Variants in NKAIN2 observed in about 807,000 individuals in gnomAD.
NKAIN2 encodes sodium/potassium transporting ATPase interacting 2.
NKAIN2 carries 14 observed loss-of-function variants against 32.6 expected under a neutral mutation model. The ratio of observed to expected loss-of-function variants is 0.43; its 90% CI spans 0.28 to 0.67. The LOEUF (loss-of-function observed/expected upper bound fraction) is 0.67, where lower values mean the gene tolerates loss of function less well. NKAIN2 is among the 30% of genes least tolerant of loss of function. The pLI is 0.17. For synonymous variants in NKAIN2, 80 were observed against 87.2 expected (o/e 0.92, Z 0.46); for missense variants, 198 against 258.3 (o/e 0.77, Z 1.60).
At position 124,664,206 on chromosome 6, in the gene NKAIN2, C is replaced by T. The variant is rs745897312; in HGVS notation, c.474+5820C>T. Among the ~76,000 whole-genome samples the T allele has an allele frequency of 1.9e-4, 29 of 151,098 alleles. No homozygotes were observed. The East Asian group carries it at 2.0e-3, about 10-fold the overall frequency. ...AGGAGAATTGCCTGGACCCGGGAGG[C>T]GGAGGTTGCAGTGATCTGAGATCAT... On this transcript the variant is annotated intron_variant, in intron 4 of 6. Transcript: ENST00000368417.
At chr6:124,766,638 A>T (rs1368692084) in intron 4 of NKAIN2, among the ~76,000 whole-genome samples, 1 of 152,202 alleles carries the variant, frequency 6.6e-6, no homozygotes, top group Admixed American at 6.5e-5. Flanking sequence ...AAAAGCACAG[A>T]TAGTCACTGT....
At chr6:124,242,478 C>T (rs768686489) in intron 1 of NKAIN2, among the ~76,000 whole-genome samples, 14 of 152,128 alleles carry the variant, frequency 9.2e-5, no homozygotes, top group African/African-American at 2.7e-4. Flanking sequence ...TTGTGAAAGA[C>T]AGTATGGTGA....
intron 3 of NKAIN2, among the ~76,000 whole-genome samples, chr6:124,528,714 A>G (rs932979171): frequency 6.8e-4 from 103 of 152,356 alleles, no homozygotes; most frequent in African/African-American, 2.4e-3. Context: ...CCTTAAAGTG[A>G]AACAATATAT....
rs575842250 is a variant in NKAIN2 at position 124,722,600 on chromosome 6, C to T, written c.474+64214C>T. Among the ~76,000 whole-genome samples, 7 of 152,236 alleles carry T rather than the reference C, an allele frequency of 4.6e-5. No individual in the cohort carries two copies. In the South Asian group the frequency reaches 1.5e-3, roughly 32 times the overall value. Reference sequence around the variant, plus strand: ...ATAGGGTCTGTGCTCCTATGAGAACCTAATCCTGCCACTGATCCAACAGGA... The same window carrying T: ...ATAGGGTCTGTGCTCCTATGAGAACTTAATCCTGCCACTGATCCAACAGGA... On this transcript the variant is annotated intron_variant, in intron 4 of 6. Transcript: ENST00000368417.
At chr6:124,568,853 G>A (rs987235525) in intron 3 of NKAIN2, among the ~76,000 whole-genome samples, 1 of 137,052 alleles carries the variant, frequency 7.3e-6, no homozygotes, top group Non-Finnish European at 1.5e-5. Flanking sequence ...AAAAGGAACT[G>A]CCTGGAAAAT....
chr6:124,412,173 C>T (rs1163513257), intron 3 of NKAIN2, among the ~76,000 whole-genome samples: 2 of 152,100 alleles, frequency 1.3e-5, no homozygotes, highest in Admixed American at 6.5e-5. Context: ...AGCCTTCTCT[C>T]AACTCCTCAA....
chr6:124,753,810 G>A (rs1777837789), intron 4 of NKAIN2, among the ~76,000 whole-genome samples: 1 of 151,954 alleles, frequency 6.6e-6, no homozygotes, highest in Admixed American at 6.6e-5. Context: ...ATAAAATTAA[G>A]CACAGAAAAA....
chr6:124,409,719 G>T (rs956632615), intron 3 of NKAIN2, among the ~76,000 whole-genome samples: 2 of 152,194 alleles, frequency 1.3e-5, no homozygotes, highest in Non-Finnish European at 2.9e-5. Flanking sequence ...AAATGAGTTA[G>T]GGAGGATTCC....
At chr6:124,185,217 A>C (rs1039015463) in intron 1 of NKAIN2, among the ~76,000 whole-genome samples, 2 of 152,088 alleles carry the variant, frequency 1.3e-5, no homozygotes, top group African/African-American at 4.8e-5. Context: ...CAGATATATT[A>C]TTATCGTACA....
rs1799172766 is a variant in NKAIN2, at chr6:124,359,643, A to G, written c.273+4296A>G. Among the ~76,000 whole-genome samples the G allele has an allele frequency of 2.0e-5, 3 of 152,264 alleles. No homozygotes were observed. In the South Asian group the frequency reaches 6.2e-4, roughly 32 times the overall value. ...ATTTTGTATCCTGAGACTTTGCTGA[A>G]GTTGCCTATCAGCTTAAGGAGATTT... On this transcript the variant is annotated intron_variant, in intron 3 of 6. Transcript: ENST00000368417.
At chr6:124,664,131 T>G (rs1043805667) in intron 4 of NKAIN2, among the ~76,000 whole-genome samples, 3 of 151,698 alleles carry the variant, frequency 2.0e-5, no homozygotes, top group African/African-American at 7.3e-5. Context: ...AAAAATTTGC[T>G]GGACATGGTG....
At chr6:124,794,608 C>A (rs927088898) in intron 5 of NKAIN2, among the ~76,000 whole-genome samples, 2 of 152,114 alleles carry the variant, frequency 1.3e-5, no homozygotes, top group African/African-American at 4.8e-5. Context: ...ATGAACCCTT[C>A]TAAATTTTTA....
At chr6:123,811,451 AAG>A (rs899993465) in intron 1 of NKAIN2, among the ~76,000 whole-genome samples, 32 of 122,564 alleles carry the variant, frequency 2.6e-4, no homozygotes, top group Non-Finnish European at 4.3e-4. Flanking sequence ...GGGAGAGAGA[AAG>A]AGAGAGAGAG....
intron 1 of NKAIN2, among the ~76,000 whole-genome samples, chr6:123,865,973 GCT>G: frequency 6.6e-6 from 1 of 152,252 alleles, no homozygotes; most frequent in East Asian, 1.9e-4. Context: ...AAATAACCTA[GCT>G]CTCTTTGTGA....
In NKAIN2 at chr6:124,687,743, TACACACAC is replaced by T. The variant is rs373594549; in HGVS notation, c.474+29389_474+29396del. Reference sequence around the variant, plus strand: ...ATATAATATAAATATATATGATATATACACACACACACACACACACACACACACACACA... The same window carrying T: ...ATATAATATAAATATATATGATATATACACACACACACACACACACACACA... On this transcript the variant is annotated intron_variant, in intron 4 of 6. Coordinates refer to ENST00000368417, the MANE Select transcript of NKAIN2 (RefSeq NM_001040214.3). Among the ~76,000 whole-genome samples, 35 of 104,368 alleles carry T rather than the reference TACACACAC, an allele frequency of 3.4e-4. 1 individual carries two copies. The highest frequency in any genetic ancestry group is 1.0e-3 in the Admixed American group (8 of 7,740). The allele number at this position is 104,368 out of a possible 152,430, so 68.5% of individuals were successfully genotyped here.
At chr6:124,451,610 G>A (rs894068032) in intron 3 of NKAIN2, among the ~76,000 whole-genome samples, 23 of 152,108 alleles carry the variant, frequency 1.5e-4, no homozygotes, top group African/African-American at 5.1e-4. Flanking sequence ...GAGGATAATC[G>A]AAGCCAGTGA....
chr6:123,955,835 C>T (rs1777554787), intron 1 of NKAIN2, among the ~76,000 whole-genome samples: 1 of 152,012 alleles, frequency 6.6e-6, no homozygotes, highest in African/African-American at 2.4e-5. Context: ...CCTATGTTTT[C>T]CAGACTGGTC....
At chr6:123,923,237 A>G (rs1775839986) in intron 1 of NKAIN2, among the ~76,000 whole-genome samples, 1 of 152,228 alleles carries the variant, frequency 6.6e-6, no homozygotes, top group Non-Finnish European at 1.5e-5. Context: ...GACTTCACTC[A>G]CTTATTTTGC....
intron 3 of NKAIN2, among the ~76,000 whole-genome samples, chr6:124,498,795 A>G (rs559770429): frequency 5.2e-4 from 79 of 152,304 alleles, no homozygotes; most frequent in African/African-American, 1.8e-3. Flanking sequence ...TATTTTGAAT[A>G]TATTTGGTAA....
Sources: allele counts gnomAD v4.1 joint callset (sites outside exome capture counted in the v4.1 genomes callset), GRCh38; gene constraint gnomAD v4.1.1; transcripts MANE v1.5; gene names NCBI Gene and HGNC (gene_info 2026-07-23, HGNC 2026-07-21).